The following COL23A1 variants were observed in gnomAD, a reference collection of about 807,000 sequenced individuals.
COL23A1 encodes collagen type XXIII alpha 1 chain.
A neutral mutation model predicts 99.3 loss-of-function variants in COL23A1; 97 were observed. The ratio of observed to expected loss-of-function variants is 0.98; its 90% CI spans 0.83 to 1.16. The LOEUF is 1.16. Ranked by LOEUF, COL23A1 falls within the 50% of genes most tolerant of loss-of-function variation. The pLI is 0.00. For synonymous variants in COL23A1, 320 were observed against 308.2 expected (o/e 1.04, Z -0.40); for missense variants, 762 against 757.4 (o/e 1.01, Z -0.07).
rs1765740643 is a variant in COL23A1 at position 178,263,323 on chromosome 5, C to G, written c.524G>C (p.Gly175Ala). The G allele has an allele frequency of 1.3e-6, 2 of 1,581,318 alleles. No individual in the cohort carries two copies. Residue 175 changes from glycine (G) to alanine (A), a missense_variant and splice_region_variant, in exon 9 of 29, where the codon GGA becomes GCA. By Grantham distance (60) the Gly-to-Ala change is moderately conservative (BLOSUM62 0). Transcript: ENST00000390654. ...AGCAGCTCCATCTTGTCCTTGGTCT[C>G]CCTGAAAGAGATGGGGCTTGGCATG... is the stretch of plus-strand genomic sequence containing the variant. ...KGAPGDFGPR[G>A]DQGQDGAAGP...
chr5:178,248,109 G>T, intron 20 of COL23A1, 83 bp downstream of exon 20: 1 of 1,013,536 alleles, frequency 9.9e-7, no homozygotes, highest in Non-Finnish European at 1.5e-6. Context: ...AGGCCAGGTG[G>T]CCTTTTTGTC....
At chr5:178,516,687 C>T (rs867636644) in intron 2 of COL23A1, among the ~76,000 whole-genome samples, 2 of 152,190 alleles carry the variant, frequency 1.3e-5, no homozygotes, top group Non-Finnish European at 2.9e-5. Context: ...CTGCCTTTTC[C>T]TTTCTTAACT....
At chr5:178,288,401 T>G in intron 4 of COL23A1, 51 bp from the exon 5 acceptor site, 1 of 1,510,814 alleles carries the variant, frequency 6.6e-7, no homozygotes, top group Non-Finnish European at 9.2e-7. Context: ...AGAAACCATA[T>G]GGCAACACTT....
intron 2 of COL23A1, among the ~76,000 whole-genome samples, chr5:178,526,118 C>A (rs1760294345): frequency 6.6e-6 from 1 of 152,222 alleles, no homozygotes; most frequent in Non-Finnish European, 1.5e-5. Flanking sequence ...GGAGAGAGGG[C>A]AGAGGGCCAG....
rs943622023 is a variant in COL23A1 at position 178,366,107 on chromosome 5, G to T, written c.362-59188C>A. On this transcript the variant is annotated intron_variant, in intron 2 of 28. Coordinates refer to ENST00000390654, the MANE Select transcript of COL23A1 (RefSeq NM_173465.4). This position sits in a 1 kb window ranked among gnomAD's most constrained non-coding sequence, Gnocchi z 4.4. ...CCTCAGCATCTGGCCCAGCCCCATGGGGACCATCTGTTAAAGCTCCATCTA... is the reference window on the plus strand; with the variant it reads ...CCTCAGCATCTGGCCCAGCCCCATGTGGACCATCTGTTAAAGCTCCATCTA... Among the ~76,000 whole-genome samples, 2 of 152,134 alleles carry T rather than the reference G, an allele frequency of 1.3e-5. No individual in the cohort carries two copies. The highest frequency in any genetic ancestry group is 4.8e-5 in the African/African-American group (2 of 41,420).
chr5:178,345,235 T>G (rs1437336122), intron 2 of COL23A1: 2 of 853,026 alleles, frequency 2.3e-6, no homozygotes, highest in South Asian at 2.6e-5. Context: ...ATTTCTATAA[T>G]GTCCCTATTC....
At chr5:178,450,496 G>C (rs981817321) in intron 2 of COL23A1, among the ~76,000 whole-genome samples, 3 of 152,144 alleles carry the variant, frequency 2.0e-5, no homozygotes, top group Non-Finnish European at 4.4e-5. Context: ...CGCTGAGAAC[G>C]AGGGAGCTAC....
intron 2 of COL23A1, among the ~76,000 whole-genome samples, chr5:178,408,393 T>C (rs1764869083): frequency 6.6e-6 from 1 of 152,168 alleles, no homozygotes; most frequent in Non-Finnish European, 1.5e-5. Context: ...AAGAACACAG[T>C]AAGCAAAAAT....
chr5:178,489,080 T>C (rs187481750), intron 2 of COL23A1, among the ~76,000 whole-genome samples: 28 of 151,936 alleles, frequency 1.8e-4, no homozygotes, highest in African/African-American at 6.8e-4. Context: ...GGTCCCTAGA[T>C]GGCTGGTGTG....
intron 2 of COL23A1, among the ~76,000 whole-genome samples, chr5:178,528,756 G>A (rs950187426): frequency 2.0e-5 from 3 of 152,230 alleles, no homozygotes; most frequent in Admixed American, 1.3e-4. Context: ...GTTCCGACGC[G>A]CTGAGATCGC....
rs559840149 is a variant in COL23A1 at position 178,472,356 on chromosome 5, C to T, written c.361+88326G>A. Among the ~76,000 whole-genome samples the T allele has an allele frequency of 2.0e-5, 3 of 152,124 alleles. No homozygotes were observed. In the South Asian group the frequency reaches 6.2e-4, roughly 32 times the overall value. On this transcript the variant is annotated intron_variant, in intron 2 of 28. Transcript: ENST00000390654. Reference sequence around the variant, plus strand: ...CCAATGGGGAGTCAGCCTCCTGGGGCCCAGAGCAGGTGGATAAGGGTGTGG... The same window carrying T: ...CCAATGGGGAGTCAGCCTCCTGGGGTCCAGAGCAGGTGGATAAGGGTGTGG...
chr5:178,378,440 G>A lies in COL23A1; in HGVS notation c.362-71521C>T, dbSNP rs1197036927. ...ACTTCTGCCGCTGACTGGAGGGAGT[G>A]GCAAGAAGGGCAGGGCTGGGAAGCC... On this transcript the variant is annotated intron_variant, in intron 2 of 28. Coordinates refer to ENST00000390654, the MANE Select transcript of COL23A1 (RefSeq NM_173465.4). 2.6e-5 allele frequency among the ~76,000 whole-genome samples: 4 copies of A among 152,254 alleles called. No individual in the cohort carries two copies. The East Asian group carries it at 5.8e-4, about 22-fold the overall frequency.
chr5:178,569,170 T>C (rs1261407220), intron 1 of COL23A1, among the ~76,000 whole-genome samples: 1 of 152,250 alleles, frequency 6.6e-6, no homozygotes, highest in African/African-American at 2.4e-5. Flanking sequence ...ACTTTTCGTG[T>C]GTTTGTTGCT....
At chr5:178,261,010 A>AGC (rs59333102) in intron 11 of COL23A1, among the ~76,000 whole-genome samples, 4 of 151,858 alleles carry the variant, frequency 2.6e-5, no homozygotes, top group African/African-American at 9.7e-5. Context: ...CTGTCCACAC[A>AGC]GGTGGGTCAT....
chr5:178,398,736 C>T (rs986426790), intron 2 of COL23A1, among the ~76,000 whole-genome samples: 2 of 152,198 alleles, frequency 1.3e-5, no homozygotes, highest in Non-Finnish European at 2.9e-5. Context: ...CCCAAGGAAA[C>T]CTTTGTTCAC....
intron 18 of COL23A1, 76 bp downstream of exon 18, chr5:178,249,985 G>GGACACACACA: frequency 7.7e-7 from 1 of 1,307,086 alleles, no homozygotes; most frequent in African/African-American, 1.5e-5. Context: ...ACATGCACAC[G>GGACACACACA]CACACACACA....
chr5:178,585,571 CACTCCACA>C (rs1763925261), intron 1 of COL23A1, among the ~76,000 whole-genome samples: 1 of 76,006 alleles, frequency 1.3e-5, no homozygotes, highest in Admixed American at 1.4e-4. Context: ...CTGGGGGTAA[CACTCCACA>C]GCCCTGGATG....
intron 2 of COL23A1, among the ~76,000 whole-genome samples, chr5:178,530,530 G>A (rs1456793291): frequency 6.6e-6 from 1 of 152,202 alleles, no homozygotes; most frequent in Non-Finnish European, 1.5e-5. Flanking sequence ...TGCTTCTAAT[G>A]AAGAGAAAGT....
At chr5:178,523,191 T>TATACATATATATATATATATACAC (rs1562051722) in intron 2 of COL23A1, among the ~76,000 whole-genome samples, 9 of 80,836 alleles carry the variant, frequency 1.1e-4, no homozygotes, top group African/African-American at 3.1e-4. Context: ...CATATATATA[T>TATACATATATATATATATATACAC]ATATATATAT....
Sources: allele counts gnomAD v4.1 joint callset (sites outside exome capture counted in the v4.1 genomes callset), GRCh38; gene constraint gnomAD v4.1.1; non-coding constraint Gnocchi (gnomAD v3.1); transcripts MANE v1.5; gene names NCBI Gene and HGNC (gene_info 2026-07-23, HGNC 2026-07-21).